The following CNTNAP5 variants were observed in gnomAD, a reference collection of about 807,000 sequenced individuals.
CNTNAP5 encodes contactin associated protein family member 5, also known as contactin-associated protein-like 5.
Under a neutral mutation model 150.2 loss-of-function variants are expected in CNTNAP5, and 72 were observed. The ratio of observed to expected loss-of-function variants is 0.48; its 90% confidence interval spans 0.40 to 0.58. CNTNAP5 has a LOEUF of 0.58. Among genes scored for constraint, CNTNAP5 ranks in the 20% least tolerant of loss-of-function variants. The pLI is 0.00. For missense variants in CNTNAP5, 1,636 were observed against 1,626.2 expected (o/e 1.01, Z -0.10); for synonymous variants, 672 against 619.8 (o/e 1.08, Z -1.25).
intron 10 of CNTNAP5, among the ~76,000 whole-genome samples, chr2:124,548,975 G>T (rs903022669): frequency 6.6e-6 from 1 of 152,150 alleles, no homozygotes; most frequent in East Asian, 1.9e-4. Context: ...TGCCTCAGCT[G>T]GGGCACAAGG....
intron 1 of CNTNAP5, among the ~76,000 whole-genome samples, chr2:124,214,010 G>T (rs1435084879): frequency 1.3e-5 from 2 of 152,120 alleles, no homozygotes; most frequent in African/African-American, 4.8e-5. Flanking sequence ...CAGGTTTTGT[G>T]CAGAGTCACT....
intron 1 of CNTNAP5, among the ~76,000 whole-genome samples, chr2:124,209,758 C>G (rs1685959650): frequency 6.6e-6 from 1 of 152,124 alleles, no homozygotes; most frequent in Non-Finnish European, 1.5e-5. Flanking sequence ...AAAATAAACA[C>G]CTGTCACCGA....
chr2:124,800,324 AAGAC>A (rs995242652), intron 19 of CNTNAP5, among the ~76,000 whole-genome samples: 8 of 152,208 alleles, frequency 5.3e-5, no homozygotes, highest in African/African-American at 1.4e-4. Flanking sequence ...AGCTGCCATG[AAGAC>A]AGACAGTGCA....
chr2:124,068,531 C>G (rs113266053), intron 1 of CNTNAP5, among the ~76,000 whole-genome samples: 6,910 of 152,016 alleles, frequency 0.045, 534 homozygotes, highest in African/African-American at 0.16. Flanking sequence ...AACTAGGACA[C>G]AGGAATGGCA....
At chr2:124,874,633 T>C (rs1677817090) in intron 21 of CNTNAP5, among the ~76,000 whole-genome samples, 1 of 152,076 alleles carries the variant, frequency 6.6e-6, no homozygotes, top group African/African-American at 2.4e-5. Context: ...AAGAATTAAG[T>C]TATTATTATT....
At chr2:124,408,125 A>C (rs1050730296) in intron 3 of CNTNAP5, among the ~76,000 whole-genome samples, 16 of 151,030 alleles carry the variant, frequency 1.1e-4, no homozygotes, top group Non-Finnish European at 1.6e-4. Flanking sequence ...GGGTGACGGA[A>C]GGCACCTGGA....
chr2:124,887,283 T>A (rs964219562), intron 21 of CNTNAP5, among the ~76,000 whole-genome samples: 9 of 152,102 alleles, frequency 5.9e-5, no homozygotes, highest in African/African-American at 2.2e-4. Context: ...TGGGCCTTTG[T>A]GCTTTGTCTA....
intron 1 of CNTNAP5, among the ~76,000 whole-genome samples, chr2:124,160,424 AG>A (rs140787620): frequency 0.024 from 3,718 of 152,238 alleles, 161 homozygotes; most frequent in African/African-American, 0.084. Flanking sequence ...TAAGGTGATC[AG>A]ATCAACAGTC....
intron 8 of CNTNAP5, among the ~76,000 whole-genome samples, chr2:124,521,589 A>G (rs1201818489): frequency 2.0e-5 from 3 of 152,078 alleles, no homozygotes; most frequent in Admixed American, 1.3e-4. Flanking sequence ...TCGAGGGGAC[A>G]CTCACTGTGG....
chr2:124,139,662 C>T (rs56317754), intron 1 of CNTNAP5, among the ~76,000 whole-genome samples: 2,131 of 152,244 alleles, frequency 0.014, 27 homozygotes, highest in Non-Finnish European at 0.018. Flanking sequence ...ATCCTTCCTT[C>T]GGTCTCTCAT....
At chr2:124,181,861 A>T (rs189591244) in intron 1 of CNTNAP5, among the ~76,000 whole-genome samples, 2 of 152,310 alleles carry the variant, frequency 1.3e-5, no homozygotes, top group Non-Finnish European at 2.9e-5. Context: ...TAATTATGTG[A>T]CAGACTAATC....
intron 4 of CNTNAP5, among the ~76,000 whole-genome samples, chr2:124,424,440 A>C (rs908134480): frequency 1.3e-5 from 2 of 152,192 alleles, no homozygotes; most frequent in African/African-American, 4.8e-5. Context: ...TTTGTAAATC[A>C]TAGCATTTTT....
At chr2:124,605,336 A>T (rs780282330) in intron 11 of CNTNAP5, among the ~76,000 whole-genome samples, 1 of 152,202 alleles carries the variant, frequency 6.6e-6, no homozygotes, top group Non-Finnish European at 1.5e-5. Context: ...GATATAGATG[A>T]TGGAAGATTA....
At chr2:124,240,593 A>G (rs1686859991) in intron 2 of CNTNAP5, among the ~76,000 whole-genome samples, 1 of 152,082 alleles carries the variant, frequency 6.6e-6, no homozygotes, top group Admixed American at 6.6e-5. Flanking sequence ...ATCACATTCC[A>G]CAATAGATGC....
intron 19 of CNTNAP5, among the ~76,000 whole-genome samples, chr2:124,823,941 G>A (rs769823394): frequency 2.3e-4 from 34 of 147,830 alleles, no homozygotes; most frequent in Non-Finnish European, 3.9e-4. Context: ...TTTTTGAGAC[G>A]GAGTTTTACT....
chr2:124,623,009 G>A (rs776654134), intron 12 of CNTNAP5, among the ~76,000 whole-genome samples: 2 of 152,136 alleles, frequency 1.3e-5, no homozygotes, highest in African/African-American at 4.8e-5. Context: ...ACTAGAAACA[G>A]GATACCAATT....
intron 13 of CNTNAP5, among the ~76,000 whole-genome samples, chr2:124,658,217 T>C (rs928645343): frequency 2.0e-5 from 3 of 152,148 alleles, no homozygotes; most frequent in Non-Finnish European, 2.9e-5. Flanking sequence ...GGAGAGCAAC[T>C]TCACAGAGCA....
chr2:124,289,051 A>C (rs1226124499), intron 3 of CNTNAP5, among the ~76,000 whole-genome samples: 2 of 152,224 alleles, frequency 1.3e-5, no homozygotes, highest in African/African-American at 4.8e-5. Flanking sequence ...CCACTACTTG[A>C]GCAGACCAAT....
intron 1 of CNTNAP5, among the ~76,000 whole-genome samples, chr2:124,151,404 C>G (rs1684403290): frequency 6.6e-6 from 1 of 152,146 alleles, no homozygotes; most frequent in Non-Finnish European, 1.5e-5. Context: ...GCTTTCAGGA[C>G]TTGGTAAGTG....
Sources: allele counts gnomAD v4.1 joint callset (sites outside exome capture counted in the v4.1 genomes callset), GRCh38; gene constraint gnomAD v4.1.1; transcripts MANE v1.5; gene names NCBI Gene and HGNC (gene_info 2026-07-23, HGNC 2026-07-21).